The following SNX19 variants were observed in gnomAD, a reference collection of about 807,000 sequenced individuals.
The protein encoded by SNX19 is sorting nexin 19, also known as sorting nexin-19.
A neutral mutation model predicts 85.2 loss-of-function variants in SNX19; 60 were observed. The observed-to-expected ratio is 0.70, with a 90% CI of 0.57 to 0.87. The LOEUF (loss-of-function observed/expected upper bound fraction) is 0.87. Ranked by LOEUF, SNX19 falls within the 40% of genes least tolerant of loss-of-function variation. SNX19 has a pLI of 0.00. For synonymous variants in SNX19, 520 were observed against 470.0 expected (o/e 1.11, Z -1.38); for missense variants, 1,201 against 1,217.8 (o/e 0.99, Z 0.21).
chr11:130,900,232 C>T (rs369663627), intron 8 of SNX19, among the ~76,000 whole-genome samples: 1 of 152,120 alleles, frequency 6.6e-6, no homozygotes, highest in African/African-American at 2.4e-5. Flanking sequence ...TGGCTTGAGC[C>T]CAGGAGGTTA....
At chr11:130,880,572 G>A in intron 9 of SNX19, 50 bp downstream of exon 9, 1 of 1,494,974 alleles carries the variant, frequency 6.7e-7, no homozygotes. Context: ...TGGCAAAGCA[G>A]AATGGAAGAG....
rs1175793199 is a variant in SNX19, at chr11:130,916,408, A to C, written c.-469T>G. On this transcript the variant is annotated 5_prime_UTR_variant, in exon 1 of 11. Coordinates refer to ENST00000265909, the MANE Select transcript of SNX19 (RefSeq NM_014758.3). ...GGGAGCCTCGGCCCTCTGCCGCCGTAAACCTGGGCGACTGCGCTCCGCAGC... is the reference window on the plus strand; with the variant it reads ...GGGAGCCTCGGCCCTCTGCCGCCGTCAACCTGGGCGACTGCGCTCCGCAGC... The C allele has an allele frequency of 6.4e-6, 1 of 155,516 alleles. No homozygotes were observed. The highest frequency in any genetic ancestry group is 1.4e-5 in the Non-Finnish European group (1 of 70,198). The allele number at this position is 155,516 out of a possible 1,614,324, so 9.6% of individuals were successfully genotyped here.
chr11:130,893,998 C>T, intron 8 of SNX19: 1 of 574,568 alleles, frequency 1.7e-6, no homozygotes, highest in South Asian at 2.1e-5. Context: ...TTCTCCAAAA[C>T]CAAGTTAATG....
intron 8 of SNX19, 145 bp downstream of exon 8, chr11:130,903,110 T>C (rs896111772): frequency 3.9e-5 from 45 of 1,166,826 alleles, no homozygotes; most frequent in Non-Finnish European, 5.4e-5. Flanking sequence ...TCTGATACTC[T>C]CAAGGCATTT....
At chr11:130,903,222 A>T in intron 8 of SNX19, 33 bp downstream of exon 8, 1 of 1,612,574 alleles carries the variant, frequency 6.2e-7, no homozygotes, top group South Asian at 1.1e-5. Context: ...GCAACTTGAG[A>T]TTCTGATGTG....
chr11:130,900,595 G>C (rs1945192523), intron 8 of SNX19, among the ~76,000 whole-genome samples: 1 of 152,074 alleles, frequency 6.6e-6, no homozygotes, highest in South Asian at 2.1e-4. Context: ...CAAACTTCAG[G>C]TCAACTTTTT....
At position 130,915,811 on chromosome 11, in the gene SNX19, G is replaced by A. The variant is rs1222432907; in HGVS notation, c.129C>T (p.His43=). Residue 43 remains histidine, a synonymous_variant, in exon 1 of 11, where the codon CAC becomes CAT. Coordinates refer to ENST00000265909, the MANE Select transcript of SNX19 (RefSeq NM_014758.3). ...GVLLGWLLVI[H]LLVNVWLLCL... ...ACAGCAGCCACACGTTGACCAGAAG[G>A]TGTATGACCAGGAGCCAGCCAAGCA... 1.2e-6 allele frequency: 2 copies of A among 1,614,210 alleles called. No homozygotes were observed. The highest frequency in any genetic ancestry group is 1.7e-6 in the Non-Finnish European group (2 of 1,180,050).
At position 130,903,354 on chromosome 11, in the gene SNX19, A is replaced by T; in HGVS notation, c.2474T>A (p.Leu825Gln). ...GTETELADTA[L>Q]DLLLLLLTEQ... Reference sequence around the variant, plus strand: ...TGTTAGTAGCAAGAGGAGCAGATCCAGGGCTGTGTCAGCTAACTCTGTCTC... The same window carrying T: ...TGTTAGTAGCAAGAGGAGCAGATCCTGGGCTGTGTCAGCTAACTCTGTCTC... The change falls in exon 8 of 11, where the codon CTG becomes CAG. Residue 825 changes from leucine (L) to glutamine (Q), a missense_variant. Leu to Gln is a moderately radical substitution (Grantham distance 113). Transcript: ENST00000265909. 6.2e-7 allele frequency: 1 copy of T among 1,613,030 alleles called. No homozygotes were observed. Among genetic ancestry groups the T allele is most frequent in the Non-Finnish European group, 8.5e-7 (1 of 1,179,882 alleles).
chr11:130,904,509 A>C (rs976428755), intron 7 of SNX19, among the ~76,000 whole-genome samples: 7 of 152,190 alleles, frequency 4.6e-5, no homozygotes, highest in African/African-American at 1.7e-4. Flanking sequence ...TCATCTTCTC[A>C]AAGATGGAAT....
At position 130,906,655 on chromosome 11, in the gene SNX19, C is replaced by A. The variant is rs371629324; in HGVS notation, c.2232G>T (p.Lys744Asn). The A allele has an allele frequency of 6.2e-7, 1 of 1,612,892 alleles. No individual in the cohort carries two copies. Among genetic ancestry groups the A allele is most frequent in the Non-Finnish European group, 8.5e-7 (1 of 1,179,158 alleles). Residue 744 changes from lysine to asparagine, a missense_variant, in exon 6 of 11, where the codon AAG becomes AAT. By Grantham distance (94) the Lys-to-Asn change is moderately conservative. Transcript: ENST00000265909. Reference protein sequence around the residue: ...PALSVTEAQDKILYCLQEGNV... With the variant: ...PALSVTEAQDNILYCLQEGNV... The stretch of plus-strand genomic sequence containing the variant: ...TGCCTTCCTGGAGACAATAAAGAAT[C>A]TTGTCTTGTGCTTCAGTCACACTTA...
intron 8 of SNX19, chr11:130,901,748 T>G (rs1029114723): frequency 1.1e-4 from 17 of 152,194 alleles, no homozygotes; most frequent in Non-Finnish European, 1.3e-4. Context: ...TATATTAAAC[T>G]GATCAAAGTG....
At chr11:130,888,816 A>C in intron 8 of SNX19, among the ~76,000 whole-genome samples, 1 of 152,354 alleles carries the variant, frequency 6.6e-6, no homozygotes, top group East Asian at 1.9e-4. Context: ...GGCCATGTAC[A>C]GGTTTAAATG....
rs1943514623 is a variant in SNX19 at position 130,879,632 on chromosome 11, G to A, written c.2838C>T (p.Leu946=). 1.9e-6 allele frequency: 3 copies of A among 1,613,656 alleles called. No individual in the cohort carries two copies. Among genetic ancestry groups the A allele is most frequent in the Admixed American group, 1.7e-5 (1 of 59,982 alleles). ...AACATTTTCCCACTTACCTGTTGATGAGGGGTTGTTGTAGTGACTCCAGGA... is the reference window on the plus strand; with the variant it reads ...AACATTTTCCCACTTACCTGTTGATAAGGGGTTGTTGTAGTGACTCCAGGA... ...GLVLESLQQP[L]INRHLIYCLG... Residue 946 remains leucine, a synonymous_variant, in exon 10 of 11, where the codon CTC becomes CTT. Transcript: ENST00000265909.
Position 130,876,931 on chromosome 11 carries a change from T to A in SNX19, c.*1491A>T, listed in dbSNP as rs1943289214. ...CCTCCCGAATACATCAGACACAATT[T>A]AGGGTTAAAAGCCTCCAGAGGGGCA... On this transcript the variant is annotated 3_prime_UTR_variant, in exon 11 of 11. Transcript: ENST00000265909. 6.6e-6 allele frequency: 1 copy of A among 152,210 alleles called. No individual in the cohort carries two copies. The highest frequency in any genetic ancestry group is 2.4e-5 in the African/African-American group (1 of 41,446). The allele number at this position is 152,210 out of a possible 1,614,324, so 9.4% of individuals were successfully genotyped here.
chr11:130,889,199 T>C (rs769017625), intron 8 of SNX19, among the ~76,000 whole-genome samples: 8 of 152,224 alleles, frequency 5.3e-5, no homozygotes, highest in Middle Eastern at 3.4e-3. Context: ...GTTCTATTAC[T>C]ACTATTTTTG....
intron 8 of SNX19, among the ~76,000 whole-genome samples, chr11:130,883,137 T>C (rs1020324518): frequency 1.6e-4 from 25 of 152,212 alleles, no homozygotes; most frequent in African/African-American, 5.8e-4. Context: ...AATTTTATCA[T>C]GTGGCAAAAT....
chr11:130,897,788 T>C (rs1242896346), intron 8 of SNX19, among the ~76,000 whole-genome samples: 4 of 152,218 alleles, frequency 2.6e-5, no homozygotes, highest in Non-Finnish European at 5.9e-5. Flanking sequence ...TGCAGAGATA[T>C]TTTCAAGTTT....
chr11:130,881,338 GTTA>G (rs961687641), intron 8 of SNX19, among the ~76,000 whole-genome samples: 10 of 152,290 alleles, frequency 6.6e-5, no homozygotes, highest in African/African-American at 2.4e-4. Flanking sequence ...TAAGAATCGT[GTTA>G]TTTATGGAGC....
intron 4 of SNX19, among the ~76,000 whole-genome samples, chr11:130,909,355 G>C (rs1030426407): frequency 1.3e-5 from 2 of 152,192 alleles, no homozygotes; most frequent in African/African-American, 4.8e-5. Flanking sequence ...GATGAGAAGA[G>C]GGAGGCTACT....
Sources: allele counts gnomAD v4.1 joint callset (sites outside exome capture counted in the v4.1 genomes callset), GRCh38; gene constraint gnomAD v4.1.1; transcripts MANE v1.5; gene names NCBI Gene and HGNC (gene_info 2026-07-23, HGNC 2026-07-21).